SAFB: variants seen among roughly 807,000 people sequenced by gnomAD.
SAFB encodes the protein scaffold attachment factor B, also known as scaffold attachment factor B1.
In SAFB, 15 loss-of-function variants were observed where a neutral mutation model predicts 101.6. The ratio of observed to expected loss-of-function variants is 0.15; its 90% confidence interval spans 0.10 to 0.23. The LOEUF is 0.23. SAFB is among the 10% of genes least tolerant of loss of function. The probability of loss-of-function intolerance (pLI) is 1.00; values close to 1 mark genes in which losing one functional copy is unlikely to be tolerated. For missense variants in SAFB, 930 were observed against 1,104.1 expected (o/e 0.84, Z 2.23); for synonymous variants, 449 against 407.5 (o/e 1.10, Z -1.23).
chr19:5,667,791 C>A lies in SAFB; in HGVS notation c.2558-29C>A. The A allele has an allele frequency of 1.2e-6, 2 of 1,612,886 alleles. No individual in the cohort carries two copies. The highest frequency in any genetic ancestry group is 1.1e-5 in the South Asian group (1 of 91,030). On this transcript the variant is annotated intron_variant, in intron 19 of 20. Coordinates refer to ENST00000588852, the MANE Select transcript of SAFB (RefSeq NM_001201338.2). This position sits in a 1 kb window ranked among gnomAD's most constrained non-coding sequence, Gnocchi z 4.0. ...GGGTTCCACGCCGTGTGCGCAAGTTCCCTGTGTGAAAGCACGTCTGTCTTC... is the reference window on the plus strand; with the variant it reads ...GGGTTCCACGCCGTGTGCGCAAGTTACCTGTGTGAAAGCACGTCTGTCTTC...
chr19:5,653,077 C>CT, intron 9 of SAFB, 38 bp from the exon 10 acceptor site: 1 of 1,611,098 alleles, frequency 6.2e-7, no homozygotes. Context: ...GCTCAGTGGG[C>CT]TTCATGTCTG....
At chr19:5,666,934 C>T (rs2054339219) in intron 17 of SAFB, 112 bp from the exon 18 acceptor site, 1 of 794,114 alleles carries the variant, frequency 1.3e-6, no homozygotes, top group African/African-American at 1.7e-5. Flanking sequence ...CCTGCCAGCA[C>T]TTCTGTCCCG....
At chr19:5,651,311 T>C (rs1465513247) in intron 9 of SAFB, among the ~76,000 whole-genome samples, 1 of 152,234 alleles carries the variant, frequency 6.6e-6, no homozygotes, top group Non-Finnish European at 1.5e-5. Context: ...TTCCCTGTGA[T>C]GGCTCGTGGA....
intron 7 of SAFB, 194 bp downstream of exon 7, chr19:5,649,693 C>T: frequency 1.4e-6 from 1 of 729,292 alleles, no homozygotes; most frequent in Non-Finnish European, 2.3e-6. Context: ...CTCAACCTAC[C>T]ATGGTTGTGT....
rs2054351415 is a variant in SAFB, at chr19:5,667,230, G to A, written c.2453+66G>A. 2.4e-6 allele frequency: 3 copies of A among 1,261,320 alleles called. No homozygotes were observed. 78.1% of individuals were successfully genotyped at this position (1,261,320 alleles called of 1,614,324 possible). On this transcript the variant is annotated intron_variant, in intron 18 of 20. Coordinates refer to ENST00000588852, the MANE Select transcript of SAFB (RefSeq NM_001201338.2). The surrounding 1 kb of genome is among the most constrained non-coding windows in gnomAD (Gnocchi z 4.0). ...CCCACAAGGGGGCCCGCAAGTCGCT[G>A]GGATGTGGGCACAGGGTGGGAAACA... is the stretch of plus-strand genomic sequence containing the variant.
Position 5,641,780 on chromosome 19 carries a change from A to G in SAFB, c.380A>G (p.Asp127Gly). ...AGTCTGGAGAACTTGCAGGACATCG[A>G]CATCATGGATATCAGTGTGTTGGAT... ...ETSLENLQDI[D>G]IMDISVLDEA... Residue 127 changes from aspartate (D) to glycine (G), a missense_variant, in exon 4 of 21, where the codon GAC becomes GGC. Physicochemically the swap from Asp to Gly is moderately conservative, Grantham distance 94. Around this residue, in one of 7 missense-constraint regions of SAFB, gnomAD observed 119 missense variants for 171.4 expected, o/e 0.69. Transcript: ENST00000588852. 1 of 1,614,146 alleles carries G rather than the reference A, an allele frequency of 6.2e-7. No homozygotes were observed. The highest frequency in any genetic ancestry group is 8.5e-7 in the Non-Finnish European group (1 of 1,180,036).
chr19:5,648,172 T>C, intron 6 of SAFB, 129 bp downstream of exon 6: 1 of 756,884 alleles, frequency 1.3e-6, no homozygotes. Context: ...AGGTTTACAA[T>C]CCAAAACCTA....
chr19:5,661,422 C>G (rs2054199649), intron 14 of SAFB, 96 bp from the exon 15 acceptor site: 5 of 1,558,670 alleles, frequency 3.2e-6, no homozygotes, highest in Non-Finnish European at 4.3e-6. Flanking sequence ...GACGCACAGC[C>G]CTGGAGTCTG....
intron 4 of SAFB, among the ~76,000 whole-genome samples, chr19:5,643,940 T>C (rs1264782860): frequency 6.6e-6 from 1 of 152,178 alleles, no homozygotes; most frequent in African/African-American, 2.4e-5. Context: ...CCTTAACCTC[T>C]GCTCCTCACT....
At chr19:5,658,005 GC>G (rs1191261861) in intron 14 of SAFB, among the ~76,000 whole-genome samples, 1 of 152,012 alleles carries the variant, frequency 6.6e-6, no homozygotes, top group Non-Finnish European at 1.5e-5. Flanking sequence ...CACTGAGAGG[GC>G]TTCCTTTTTT....
intron 2 of SAFB, among the ~76,000 whole-genome samples, chr19:5,633,139 C>A (rs1401404220): frequency 5.9e-5 from 9 of 152,112 alleles, no homozygotes; most frequent in African/African-American, 1.9e-4. Flanking sequence ...CTGGTAGTTG[C>A]CAAATGGTGA....
intron 6 of SAFB, 87 bp downstream of exon 6, chr19:5,648,130 A>G: frequency 1.8e-6 from 2 of 1,142,418 alleles, no homozygotes; most frequent in Non-Finnish European, 2.6e-6. Flanking sequence ...TGATTTTTAA[A>G]AGTTACCTTA....
Position 5,633,735 on chromosome 19 carries a change from C to T in SAFB, c.274+7246C>T, listed in dbSNP as rs191772051. Among the ~76,000 whole-genome samples the T allele has an allele frequency of 7.7e-3, 1,162 of 150,120 alleles. 9 individuals carry two copies. Among genetic ancestry groups the T allele is most frequent in the African/African-American group, 0.024 (988 of 41,124 alleles). ...TGGAGCTTGCAGTGAGCCGAGATTG[C>T]GCCACTGCACTCCAGCCTGGGCGAC... On this transcript the variant is annotated intron_variant, in intron 2 of 20. Coordinates refer to ENST00000588852, the MANE Select transcript of SAFB (RefSeq NM_001201338.2).
Position 5,657,190 on chromosome 19 carries a change from C to T in SAFB, c.1756-51C>T, listed in dbSNP as rs146512845. The T allele has an allele frequency of 4.5e-4, 615 of 1,373,880 alleles. 3 individuals carry two copies. The East Asian group carries it at 0.011, about 26-fold the overall frequency. The allele number at this position is 1,373,880 out of a possible 1,614,324, so 85.1% of individuals were successfully genotyped here. ...AAAGTGCTTGGATTACAGGCATAAG[C>T]CTCCGTGCCTGGCCTCTGCTTTAAC... On this transcript the variant is annotated intron_variant, in intron 13 of 20. Transcript: ENST00000588852.
rs1415269081 is a variant in SAFB at position 5,668,329 on chromosome 19, G to C, written c.*38G>C. Reference sequence around the variant, plus strand: ...CTGTGTCCTGTCTCGTGGCAACAAGGCTATGTTCTGTTAGGAGTTACCTTA... The same window carrying C: ...CTGTGTCCTGTCTCGTGGCAACAAGCCTATGTTCTGTTAGGAGTTACCTTA... On this transcript the variant is annotated 3_prime_UTR_variant, in exon 21 of 21. Transcript: ENST00000588852. 6.3e-7 allele frequency: 1 copy of C among 1,597,596 alleles called. No individual in the cohort carries two copies. Among genetic ancestry groups the C allele is most frequent in the Non-Finnish European group, 8.5e-7 (1 of 1,176,170 alleles).
At chr19:5,665,757 C>T (rs577691026) in intron 17 of SAFB, 1 of 152,348 alleles carries the variant, frequency 6.6e-6, no homozygotes, top group African/African-American at 2.4e-5. Flanking sequence ...GAAATGGTAA[C>T]ATCTCCCTAC....
intron 4 of SAFB, among the ~76,000 whole-genome samples, chr19:5,644,666 G>A (rs2145436875): frequency 6.6e-6 from 1 of 152,310 alleles, no homozygotes; most frequent in Non-Finnish European, 1.5e-5. Context: ...CTCCCCCTAA[G>A]TATATCTCAA....
rs369269964 is a variant in SAFB at position 5,623,802 on chromosome 19, C to G, written c.189+408C>G. ...GACGGGCAGCGTCGGGATTTGAACC[C>G]AGGCCCTGGGATTCCTGATTCGGCT... On this transcript the variant is annotated intron_variant, in intron 1 of 20. Coordinates refer to ENST00000588852, the MANE Select transcript of SAFB (RefSeq NM_001201338.2). The G allele has an allele frequency of 6.3e-4, 105 of 167,556 alleles. 2 individuals carry two copies. In the East Asian group the frequency reaches 0.017, roughly 26 times the overall value. 10.4% of individuals were successfully genotyped at this position (167,556 alleles called of 1,614,324 possible). A position where few individuals can be genotyped will look rare whatever the true frequency, so the allele number is the denominator to read the frequency against.
chr19:5,639,928 C>G (rs185354074), intron 2 of SAFB, among the ~76,000 whole-genome samples: 6 of 152,156 alleles, frequency 3.9e-5, no homozygotes, highest in Admixed American at 3.3e-4. Flanking sequence ...ACCTCCACCC[C>G]CTGGGTTCAA....
Sources: gnomAD v4.1 joint callset for allele counts (sites outside exome capture counted in the v4.1 genomes callset) on GRCh38, gnomAD v4.1.1 for gene constraint, gnomAD v4.1.1 regional missense constraint, Gnocchi (gnomAD v3.1) non-coding constraint, MANE v1.5 for transcripts, NCBI Gene and HGNC (gene_info 2026-07-23, HGNC 2026-07-21) for gene names.